TMCO2: variants seen among roughly 807,000 people sequenced by gnomAD.
TMCO2 encodes transmembrane and coiled-coil domains 2.
TMCO2 carries 15 observed loss-of-function variants against 18.0 expected under a neutral mutation model. The observed-to-expected ratio is 0.84, with a 90% CI of 0.56 to 1.29. The LOEUF (loss-of-function observed/expected upper bound fraction) is 1.29. Among genes scored for constraint, TMCO2 ranks in the 50% most tolerant of loss-of-function variants. The pLI, the probability that TMCO2 is intolerant of heterozygous loss-of-function variation, is 0.00. For synonymous variants in TMCO2, 79 were observed against 75.9 expected (o/e 1.04, Z -0.21); for missense variants, 182 against 200.9 (o/e 0.91, Z 0.57).
chr1:40,251,042 C>G (rs1029428502), intron 1 of TMCO2, among the ~76,000 whole-genome samples: 1 of 147,194 alleles, frequency 6.8e-6, no homozygotes, highest in African/African-American at 2.6e-5. Context: ...GAGGCTGAGG[C>G]AGGAGAATGG....
Position 40,248,137 on chromosome 1 carries a change from T to C in TMCO2, c.144T>C (p.Ala48=), listed in dbSNP as rs2124568337. Residue 48 remains alanine, a synonymous_variant, in exon 1 of 2, where the codon GCT becomes GCC. Coordinates refer to ENST00000372766, the MANE Select transcript of TMCO2 (RefSeq NM_001008740.4). ...GTTTGGGACTATTAGATAATCTTGC[T>C]CCAGCTGTGCAAATCATCTTGAGGA... ...QTSLGLLDNL[A]PAVQIILRIS... 6.2e-7 allele frequency: 1 copy of C among 1,614,210 alleles called. No homozygotes were observed. The highest frequency in any genetic ancestry group is 1.6e-4 in the Middle Eastern group (1 of 6,062).
At chr1:40,251,253 T>A (rs771708561) in intron 1 of TMCO2, 30 bp from the exon 2 acceptor site, 1 of 1,582,710 alleles carries the variant, frequency 6.3e-7, no homozygotes, top group Non-Finnish European at 8.6e-7. Context: ...CTGTAGCAAC[T>A]AACACTCAAC....
chr1:40,249,323 G>T (rs188130403), intron 1 of TMCO2, among the ~76,000 whole-genome samples: 1 of 151,000 alleles, frequency 6.6e-6, no homozygotes, highest in East Asian at 2.0e-4. Flanking sequence ...GCATATATAT[G>T]TGTATTGTGA....
chr1:40,250,172 A>AT (rs1248302881), intron 1 of TMCO2, among the ~76,000 whole-genome samples: 1 of 151,284 alleles, frequency 6.6e-6, no homozygotes, highest in Non-Finnish European at 1.5e-5. Context: ...AATTTTAAAA[A>AT]TTTTTTTGTA....
chr1:40,249,955 A>G (rs991220525), intron 1 of TMCO2, among the ~76,000 whole-genome samples: 1 of 151,884 alleles, frequency 6.6e-6, no homozygotes, highest in Non-Finnish European at 1.5e-5. Context: ...GATTACAGGC[A>G]TGAGCCACCG....
intron 1 of TMCO2, among the ~76,000 whole-genome samples, chr1:40,249,432 C>T (rs1273146858): frequency 1.3e-5 from 2 of 151,690 alleles, no homozygotes; most frequent in South Asian, 2.1e-4. Context: ...AAAAATTAGC[C>T]GGGTGTGGTG....
Position 40,251,604 on chromosome 1 carries a change from G to T in TMCO2, c.*10G>T, listed in dbSNP as rs556074383. 2.5e-6 allele frequency: 4 copies of T among 1,592,944 alleles called. No homozygotes were observed. In the East Asian group the frequency reaches 8.9e-5, roughly 36 times the overall value. On this transcript the variant is annotated 3_prime_UTR_variant, in exon 2 of 2. Coordinates refer to ENST00000372766, the MANE Select transcript of TMCO2 (RefSeq NM_001008740.4). ...TACTTCCCCCATTTGAAATGTGATGGACTCCAATCTTTTCCAGGAAAGCAC... is the reference window on the plus strand; with the variant it reads ...TACTTCCCCCATTTGAAATGTGATGTACTCCAATCTTTTCCAGGAAAGCAC...
Position 40,250,318 on chromosome 1 carries a change from AAT to A in TMCO2, c.238-951_238-950del, listed in dbSNP as rs144052392. Among the ~76,000 whole-genome samples the A allele has an allele frequency of 2.5e-3, 367 of 145,794 alleles. 1 individual carries two copies. The highest frequency in any genetic ancestry group is 8.8e-3 in the African/African-American group (336 of 38,084). On this transcript the variant is annotated intron_variant, in intron 1 of 1. Transcript: ENST00000372766. Reference sequence around the variant, plus strand: ...CCTATAATTTATTTTATATAAATAAAATATATATATATATACATTAATTTTTT... The same window carrying A: ...CCTATAATTTATTTTATATAAATAAAATATATATATATACATTAATTTTTT...
chr1:40,248,075 A>G lies in TMCO2; in HGVS notation c.82A>G (p.Ser28Gly), dbSNP rs143240805. 3 of 1,614,174 alleles carry G rather than the reference A, an allele frequency of 1.9e-6. No homozygotes were observed. The Admixed American group carries it at 5.0e-5, about 27-fold the overall frequency. The change falls in exon 1 of 2, where the codon AGT (serine) becomes GGT (glycine). Residue 28 changes from serine (S) to glycine (G), a missense_variant. By Grantham distance (56) the Ser-to-Gly change is moderately conservative. Transcript: ENST00000372766. ...LSTVWNWIQA[S>G]FLGETSAPQQ... is the part of the protein sequence containing the mutation. ...CACAGTATGGAATTGGATACAAGCA[A>G]GTTTTTTGGGAGAGACTAGTGCACC...
intron 1 of TMCO2, 126 bp from the exon 2 acceptor site, chr1:40,251,157 T>C: frequency 1.7e-6 from 1 of 575,118 alleles, no homozygotes; most frequent in East Asian, 4.3e-5. Context: ...AAAAAAAAAA[T>C]TTGCTAAATG....
chr1:40,248,682 T>G (rs1288011490), intron 1 of TMCO2, among the ~76,000 whole-genome samples: 1 of 152,228 alleles, frequency 6.6e-6, no homozygotes, highest in African/African-American at 2.4e-5. Flanking sequence ...TAAGGCTCCA[T>G]AAGTATATAG....
rs185617042 is a variant in TMCO2 at position 40,249,533 on chromosome 1, C to T, written c.237+1303C>T. On this transcript the variant is annotated intron_variant, in intron 1 of 1. Coordinates refer to ENST00000372766, the MANE Select transcript of TMCO2 (RefSeq NM_001008740.4). Reference sequence around the variant, plus strand: ...GGTGGAGGTTGCAGTGAGCCAAGATCGTGCCACTGCACTCCAGCCTGGGCG... The same window carrying T: ...GGTGGAGGTTGCAGTGAGCCAAGATTGTGCCACTGCACTCCAGCCTGGGCG... Among the ~76,000 whole-genome samples the T allele has an allele frequency of 2.1e-3, 313 of 149,594 alleles. 3 individuals carry two copies. Among genetic ancestry groups the T allele is most frequent in the African/African-American group, 7.3e-3 (295 of 40,626 alleles).
chr1:40,247,967 T>C lies in TMCO2; in HGVS notation c.-27T>C, dbSNP rs775848488. Reference sequence around the variant, plus strand: ...TAGATTCCTGAAGCTTCTGCACATGTAGTTCCTAGAGCTGCTGCTTATTAA... The same window carrying C: ...TAGATTCCTGAAGCTTCTGCACATGCAGTTCCTAGAGCTGCTGCTTATTAA... On this transcript the variant is annotated 5_prime_UTR_variant, in exon 1 of 2. The change abolishes the stop of an existing upstream ORF in the 5' untranslated region. Coordinates refer to ENST00000372766, the MANE Select transcript of TMCO2 (RefSeq NM_001008740.4). The C allele has an allele frequency of 2.9e-5, 46 of 1,570,322 alleles. No homozygotes were observed. Among genetic ancestry groups the C allele is most frequent in the Non-Finnish European group, 3.9e-5 (45 of 1,140,818 alleles).
chr1:40,248,121 T>C lies in TMCO2; in HGVS notation c.128T>C (p.Leu43Pro). The change falls in exon 1 of 2, where the codon CTA (leucine) becomes CCA (proline). Residue 43 changes from leucine to proline, a missense_variant. By Grantham distance (98) the Leu-to-Pro change is moderately conservative. Transcript: ENST00000372766. ...GCACCTCAGCAAACAAGTTTGGGAC[T>C]ATTAGATAATCTTGCTCCAGCTGTG... ...TSAPQQTSLG[L>P]LDNLAPAVQI... 6.2e-7 allele frequency: 1 copy of C among 1,614,238 alleles called. No homozygotes were observed. Among genetic ancestry groups the C allele is most frequent in the Non-Finnish European group, 8.5e-7 (1 of 1,180,044 alleles).
intron 1 of TMCO2, 150 bp from the exon 2 acceptor site, chr1:40,251,133 T>C: frequency 2.0e-6 from 1 of 510,528 alleles, no homozygotes; most frequent in South Asian, 2.2e-5. Flanking sequence ...TGAAACTCCA[T>C]CTCAAAAAAA....
intron 1 of TMCO2, among the ~76,000 whole-genome samples, chr1:40,249,563 A>C (rs1309740859): frequency 1.3e-5 from 2 of 151,762 alleles, no homozygotes; most frequent in Non-Finnish European, 2.9e-5. Flanking sequence ...TGGGCGACAA[A>C]GACTGTGTCT....
At position 40,251,639 on chromosome 1, in the gene TMCO2, CAT is replaced by C; in HGVS notation, c.*46_*47del. ...TTTTCCAGGAAAGCACTGTTTCCCT[CAT>C]GTGTGCAGTGGTGTATCAATAAAGA... On this transcript the variant is annotated 3_prime_UTR_variant, in exon 2 of 2. Transcript: ENST00000372766. 1 of 1,565,172 alleles carries C rather than the reference CAT, an allele frequency of 6.4e-7. No individual in the cohort carries two copies. Among genetic ancestry groups the C allele is most frequent in the Non-Finnish European group, 8.7e-7 (1 of 1,154,380 alleles).
rs1290299863 is a variant in TMCO2, at chr1:40,250,397, A to C, written c.238-886A>C. ...CCAGGCTGAAGTGCAGTAGCCATTC[A>C]CAGGTGCCATCATAGCACACTACTC... On this transcript the variant is annotated intron_variant, in intron 1 of 1. Transcript: ENST00000372766. Among the ~76,000 whole-genome samples, 3 of 151,698 alleles carry C rather than the reference A, an allele frequency of 2.0e-5. No homozygotes were observed. In the East Asian group the frequency reaches 5.8e-4, roughly 29 times the overall value.
Position 40,251,275 on chromosome 1 carries a change from C to T in TMCO2, c.238-8C>T, listed in dbSNP as rs1643381366. The T allele has an allele frequency of 1.2e-6, 2 of 1,603,628 alleles. No individual in the cohort carries two copies. Among genetic ancestry groups the T allele is most frequent in the Non-Finnish European group, 1.7e-6 (2 of 1,177,352 alleles). ...AACTAACACTCAACTTCTGTTGTTC[C>T]ATTTTAGAAAACATTGTTGTTTGTA... is the stretch of plus-strand genomic sequence containing the variant. On this transcript the variant is annotated splice_polypyrimidine_tract_variant and splice_region_variant and intron_variant, in intron 1 of 1. Transcript: ENST00000372766.
Sources: gnomAD v4.1 joint callset for allele counts (sites outside exome capture counted in the v4.1 genomes callset) on GRCh38, gnomAD v4.1.1 for gene constraint, MANE v1.5 for transcripts, NCBI Gene and HGNC (gene_info 2026-07-23, HGNC 2026-07-21) for gene names.